Variants in PHF2 observed in about 807,000 individuals in gnomAD.
The protein encoded by PHF2 is lysine-specific demethylase PHF2.
Under a neutral mutation model 120.5 loss-of-function variants are expected in PHF2, and 27 were observed. The ratio of observed to expected loss-of-function variants is 0.22; its 90% CI spans 0.17 to 0.31. The LOEUF is 0.31. Ranked by LOEUF, PHF2 falls within the 10% of genes least tolerant of loss-of-function variation. PHF2 has a pLI of 1.00. For synonymous variants in PHF2, 568 were observed against 592.5 expected (o/e 0.96, Z 0.60); for missense variants, 1,024 against 1,434.8 (o/e 0.71, Z 4.63).
intron 2 of PHF2, among the ~76,000 whole-genome samples, chr9:93,633,327 G>A (rs10992814): frequency 0.02 from 3,081 of 152,320 alleles, 72 homozygotes; most frequent in East Asian, 0.11. Flanking sequence ...GGTACAGGGT[G>A]TCCCAAGGTA....
intron 1 of PHF2, among the ~76,000 whole-genome samples, chr9:93,626,476 G>A (rs1188857426): frequency 6.6e-6 from 1 of 152,134 alleles, no homozygotes; most frequent in Non-Finnish European, 1.5e-5. Flanking sequence ...TGTTGTGGAT[G>A]CCATACCCTT....
At chr9:93,659,468 C>A in intron 10 of PHF2, 43 bp from the exon 11 acceptor site, 1 of 1,523,812 alleles carries the variant, frequency 6.6e-7, no homozygotes, top group Non-Finnish European at 9.1e-7. Flanking sequence ...GTCAGGACCA[C>A]GGGAGGTGTC....
intron 2 of PHF2, among the ~76,000 whole-genome samples, chr9:93,631,933 T>TAC (rs1325251006): frequency 6.6e-6 from 1 of 152,066 alleles, no homozygotes; most frequent in Non-Finnish European, 1.5e-5. Flanking sequence ...CCTCTTCTGA[T>TAC]AGTCAGCATA....
Position 93,669,665 on chromosome 9 carries a change from G to A in PHF2, c.2348+2425G>A, listed in dbSNP as rs1042134600. ...CACTGGGCATCTTCCTGAGTCTGCCGGACCCTCAGAGAGCAGTGGGTTCGG... is the reference window on the plus strand; with the variant it reads ...CACTGGGCATCTTCCTGAGTCTGCCAGACCCTCAGAGAGCAGTGGGTTCGG... On this transcript the variant is annotated intron_variant, in intron 17 of 21. Coordinates refer to ENST00000359246, the MANE Select transcript of PHF2 (RefSeq NM_005392.4). Among the ~76,000 whole-genome samples, 7 of 152,306 alleles carry A rather than the reference G, an allele frequency of 4.6e-5. No individual in the cohort carries two copies. The South Asian group carries it at 1.0e-3, about 23-fold the overall frequency.
intron 1 of PHF2, among the ~76,000 whole-genome samples, chr9:93,609,903 G>T (rs1460248441): frequency 1.3e-5 from 2 of 152,076 alleles, no homozygotes; most frequent in African/African-American, 4.8e-5. Context: ...CACCACGTTG[G>T]CGAGGTTGGT....
chr9:93,581,270 G>A (rs1862924669), intron 1 of PHF2, among the ~76,000 whole-genome samples: 2 of 152,192 alleles, frequency 1.3e-5, no homozygotes, highest in African/African-American at 4.8e-5. Flanking sequence ...AACACCAGGC[G>A]GGGCTGTGGC....
chr9:93,665,803 G>T lies in PHF2; in HGVS notation c.2055G>T (p.Glu685Asp). 2.5e-6 allele frequency: 4 copies of T among 1,613,894 alleles called. No individual in the cohort carries two copies. Among genetic ancestry groups the T allele is most frequent in the Non-Finnish European group, 2.5e-6 (3 of 1,179,986 alleles). Residue 685 changes from glutamate to aspartate, a missense_variant, in exon 15 of 22, where the codon GAG (glutamate) becomes GAT (aspartate). By Grantham distance (45) the Glu-to-Asp change is conservative. Transcript: ENST00000359246. ...ATGAGTACGTGTCGGATGACGGTGA[G>T]CTCAAGATCGACGAGTTTCCCATCA... ...DEYEYVSDDG[E>D]LKIDEFPIRR...
At chr9:93,627,873 G>A (rs927195246) in intron 1 of PHF2, among the ~76,000 whole-genome samples, 3 of 152,204 alleles carry the variant, frequency 2.0e-5, no homozygotes, top group African/African-American at 7.2e-5. Flanking sequence ...GGCTGTGCCA[G>A]CTCAGGAGAA....
At chr9:93,663,094 T>G in intron 13 of PHF2, 68 bp downstream of exon 13, 1 of 1,589,518 alleles carries the variant, frequency 6.3e-7, no homozygotes, top group South Asian at 1.1e-5. Context: ...GAGGTGAATC[T>G]GTGAGGCCCT....
At chr9:93,588,194 G>A (rs1201157522) in intron 1 of PHF2, among the ~76,000 whole-genome samples, 1 of 152,230 alleles carries the variant, frequency 6.6e-6, no homozygotes, top group Non-Finnish European at 1.5e-5. Context: ...TGCTCTGGGG[G>A]CAGGGCCTGT....
Position 93,608,262 on chromosome 9 carries a change from G to T in PHF2, c.99-21708G>T, listed in dbSNP as rs534091626. Among the ~76,000 whole-genome samples, 11 of 152,196 alleles carry T rather than the reference G, an allele frequency of 7.2e-5. No individual in the cohort carries two copies. In the East Asian group the frequency reaches 2.1e-3, roughly 29 times the overall value. Reference sequence around the variant, plus strand: ...TGCTTGAGCCTAGGAGTTTGAGTCTGCAGTGGGCTGTGATTGCGCCACTGT... The same window carrying T: ...TGCTTGAGCCTAGGAGTTTGAGTCTTCAGTGGGCTGTGATTGCGCCACTGT... On this transcript the variant is annotated intron_variant, in intron 1 of 21. Coordinates refer to ENST00000359246, the MANE Select transcript of PHF2 (RefSeq NM_005392.4).
intron 4 of PHF2, among the ~76,000 whole-genome samples, chr9:93,648,827 G>A (rs920713300): frequency 6.6e-6 from 1 of 152,198 alleles, no homozygotes; most frequent in Non-Finnish European, 1.5e-5. Context: ...GGCCACCGTC[G>A]CTGAGGCCTG....
chr9:93,667,319 G>A, intron 17 of PHF2, 79 bp downstream of exon 17: 1 of 1,508,856 alleles, frequency 6.6e-7, no homozygotes, highest in South Asian at 1.2e-5. Context: ...GATGGTGGGA[G>A]CCTGCGAGGC....
At position 93,677,806 on chromosome 9, in the gene PHF2, C is replaced by A; in HGVS notation, c.*130C>A. 1.5e-6 allele frequency: 1 copy of A among 662,854 alleles called. No individual in the cohort carries two copies. The highest frequency in any genetic ancestry group is 2.7e-6 in the Non-Finnish European group (1 of 373,284). 41.1% of individuals were successfully genotyped at this position (662,854 alleles called of 1,614,324 possible). ...TGCCTCTTCCCGGCTGCCATCTCCC[C>A]AACAAGCGTCTGTCCCTTCAGCCGG... On this transcript the variant is annotated 3_prime_UTR_variant, in exon 22 of 22. Coordinates refer to ENST00000359246, the MANE Select transcript of PHF2 (RefSeq NM_005392.4). The surrounding 1 kb of genome is among the most constrained non-coding windows in gnomAD (Gnocchi z 4.4).
At position 93,677,221 on chromosome 9, in the gene PHF2, G is replaced by C. The variant is rs146460851; in HGVS notation, c.3202+258G>C. On this transcript the variant is annotated intron_variant, in intron 21 of 21. Coordinates refer to ENST00000359246, the MANE Select transcript of PHF2 (RefSeq NM_005392.4). This position sits in a 1 kb window ranked among gnomAD's most constrained non-coding sequence, Gnocchi z 4.4. Reference sequence around the variant, plus strand: ...CTGCCTGCACCCCTGCACCCCAGCCGTGGGGCCGGCCAGCTGTGGGGACTG... The same window carrying C: ...CTGCCTGCACCCCTGCACCCCAGCCCTGGGGCCGGCCAGCTGTGGGGACTG... Among the ~76,000 whole-genome samples, 74 of 151,516 alleles carry C rather than the reference G, an allele frequency of 4.9e-4. No homozygotes were observed. Among genetic ancestry groups the C allele is most frequent in the African/African-American group, 1.8e-3 (74 of 41,310 alleles).
intron 1 of PHF2, among the ~76,000 whole-genome samples, chr9:93,581,187 C>T (rs1186680483): frequency 6.6e-6 from 1 of 152,142 alleles, no homozygotes; most frequent in Non-Finnish European, 1.5e-5. Flanking sequence ...TGGAGTTGGC[C>T]TTTCTGGGCT....
At position 93,654,252 on chromosome 9, in the gene PHF2, C is replaced by T. The variant is rs367820465; in HGVS notation, c.790-161C>T. 8.3e-4 allele frequency among the ~76,000 whole-genome samples: 126 copies of T among 152,314 alleles called. 2 individuals carry two copies. The South Asian group carries it at 0.025, about 30-fold the overall frequency. On this transcript the variant is annotated intron_variant, in intron 6 of 21. Transcript: ENST00000359246. ...GAGGGCCCAGATACCCAGAACCTTC[C>T]TAACATGCACATTTCTGAATTGCAA...
chr9:93,633,729 C>CG (rs1332843316), intron 2 of PHF2, among the ~76,000 whole-genome samples: 1 of 152,142 alleles, frequency 6.6e-6, no homozygotes, highest in African/African-American at 2.4e-5. Flanking sequence ...CAGGTGTAGC[C>CG]GGGGGCCCCT....
intron 1 of PHF2, among the ~76,000 whole-genome samples, chr9:93,598,841 T>C (rs111821504): frequency 2.9e-4 from 44 of 152,284 alleles, no homozygotes; most frequent in African/African-American, 9.4e-4. Flanking sequence ...TGCATTCCCC[T>C]AAGAAGCCCA....
Sources: gnomAD v4.1 joint callset for allele counts (sites outside exome capture counted in the v4.1 genomes callset) on GRCh38, gnomAD v4.1.1 for gene constraint, Gnocchi (gnomAD v3.1) non-coding constraint, MANE v1.5 for transcripts, NCBI Gene and HGNC (gene_info 2026-07-23, HGNC 2026-07-21) for gene names.